The following OPCML variants were observed in gnomAD, a reference collection of about 807,000 sequenced individuals.
OPCML encodes opioid-binding protein/cell adhesion molecule.
In OPCML, 13 loss-of-function variants were observed where a neutral mutation model predicts 37.8. The observed-to-expected ratio is 0.34, with a 90% CI of 0.22 to 0.55. The LOEUF (loss-of-function observed/expected upper bound fraction) is 0.55. OPCML is among the 20% of genes least tolerant of loss of function. The probability of loss-of-function intolerance (pLI) is 0.91; values close to 1 mark genes in which losing one functional copy is unlikely to be tolerated. For synonymous variants in OPCML, 176 were observed against 168.8 expected (o/e 1.04, Z -0.33); for missense variants, 341 against 435.6 (o/e 0.78, Z 1.93).
intron 1 of OPCML, among the ~76,000 whole-genome samples, chr11:133,051,317 G>T (rs544717879): frequency 6.6e-6 from 1 of 152,228 alleles, no homozygotes; most frequent in South Asian, 2.1e-4. Flanking sequence ...TACCAACAGG[G>T]GAACTGAGAC....
intron 2 of OPCML, among the ~76,000 whole-genome samples, chr11:132,800,434 C>A (rs1938575977): frequency 6.6e-6 from 1 of 152,132 alleles, no homozygotes; most frequent in Non-Finnish European, 1.5e-5. Flanking sequence ...TTAGCTAGAA[C>A]CCATAGCACC....
At chr11:133,291,996 T>C (rs972490964) in intron 1 of OPCML, among the ~76,000 whole-genome samples, 5 of 152,234 alleles carry the variant, frequency 3.3e-5, no homozygotes, top group Non-Finnish European at 7.3e-5. Context: ...TTTTATAAAC[T>C]ATTTATTAGG....
intron 1 of OPCML, among the ~76,000 whole-genome samples, chr11:132,995,692 C>T (rs372535247): frequency 5.9e-5 from 9 of 152,282 alleles, no homozygotes; most frequent in African/African-American, 1.9e-4. Context: ...GTCCCAATGT[C>T]AGCAGGACGT....
intron 3 of OPCML, among the ~76,000 whole-genome samples, chr11:132,644,596 G>C (rs1247263558): frequency 3.3e-5 from 5 of 152,186 alleles, no homozygotes; most frequent in Admixed American, 6.5e-5. Flanking sequence ...GGATTTGGTA[G>C]CTTGTATCTC....
At chr11:132,692,228 A>AC (rs1473518995) in intron 2 of OPCML, among the ~76,000 whole-genome samples, 1 of 93,672 alleles carries the variant, frequency 1.1e-5, no homozygotes, top group Non-Finnish European at 2.4e-5. Flanking sequence ...TGGTGATGCT[A>AC]CAGGAAAAAA....
chr11:132,819,950 C>T (rs1351919200), intron 2 of OPCML, among the ~76,000 whole-genome samples: 28 of 152,140 alleles, frequency 1.8e-4, no homozygotes, highest in Admixed American at 1.8e-3. Context: ...GGTCCTGGGG[C>T]TGGAGGCTCT....
At chr11:132,913,793 G>A (rs1267629591) in intron 2 of OPCML, among the ~76,000 whole-genome samples, 1 of 152,166 alleles carries the variant, frequency 6.6e-6, no homozygotes, top group East Asian at 1.9e-4. Context: ...TCTTTTTGGA[G>A]CTAGTAAAAA....
intron 1 of OPCML, among the ~76,000 whole-genome samples, chr11:133,511,380 G>A (rs567661726): frequency 3.9e-5 from 6 of 152,294 alleles, no homozygotes; most frequent in Admixed American, 2.0e-4. Flanking sequence ...ACACAGGACC[G>A]CGTGGCTAAC....
At chr11:132,545,857 C>T (rs2096367479) in intron 3 of OPCML, among the ~76,000 whole-genome samples, 1 of 152,180 alleles carries the variant, frequency 6.6e-6, no homozygotes, top group African/African-American at 2.4e-5. Context: ...TTTCAATATT[C>T]AACATTTTGC....
At chr11:132,662,999 A>T (rs1942050217) in intron 2 of OPCML, among the ~76,000 whole-genome samples, 1 of 152,254 alleles carries the variant, frequency 6.6e-6, no homozygotes, top group African/African-American at 2.4e-5. Context: ...TGTTACGGTA[A>T]TAATACCTAA....
At chr11:133,348,859 A>T (rs1399101845) in intron 1 of OPCML, among the ~76,000 whole-genome samples, 1 of 152,208 alleles carries the variant, frequency 6.6e-6, no homozygotes, top group Non-Finnish European at 1.5e-5. Context: ...GTATGTAAAG[A>T]TCAGGAAGAC....
intron 3 of OPCML, among the ~76,000 whole-genome samples, chr11:132,647,724 G>A (rs1941227108): frequency 6.6e-6 from 1 of 152,130 alleles, no homozygotes. Context: ...GGTCTCAGGA[G>A]TGGCAGGGAT....
intron 1 of OPCML, among the ~76,000 whole-genome samples, chr11:133,202,669 C>G (rs1048394839): frequency 2.0e-5 from 3 of 152,226 alleles, no homozygotes; most frequent in Non-Finnish European, 4.4e-5. Context: ...CTAGTAGCAA[C>G]CCACTCAGTT....
At chr11:132,847,174 C>A (rs888594423) in intron 2 of OPCML, among the ~76,000 whole-genome samples, 3 of 152,184 alleles carry the variant, frequency 2.0e-5, no homozygotes, top group African/African-American at 7.2e-5. Context: ...TATCTTGCTG[C>A]ATTCTCATCC....
intron 3 of OPCML, among the ~76,000 whole-genome samples, chr11:132,630,564 G>C (rs1940039089): frequency 6.6e-6 from 1 of 152,028 alleles, no homozygotes; most frequent in Non-Finnish European, 1.5e-5. Context: ...TCTCATAGTT[G>C]AGAGCAGAGA....
intron 1 of OPCML, among the ~76,000 whole-genome samples, chr11:133,164,199 T>C (rs1177542635): frequency 6.6e-6 from 1 of 152,208 alleles, no homozygotes; most frequent in Non-Finnish European, 1.5e-5. Context: ...CTGCAGCTTC[T>C]GTGCCTCAGA....
At chr11:132,812,782 A>G (rs919095816) in intron 2 of OPCML, among the ~76,000 whole-genome samples, 3 of 152,192 alleles carry the variant, frequency 2.0e-5, no homozygotes, top group African/African-American at 7.2e-5. Flanking sequence ...CATTTTGTGT[A>G]TATCTTCCTC....
At chr11:133,524,056 G>A (rs1344551207) in intron 1 of OPCML, among the ~76,000 whole-genome samples, 2 of 152,208 alleles carry the variant, frequency 1.3e-5, no homozygotes, top group Admixed American at 6.5e-5. Flanking sequence ...ATGAGAGCAG[G>A]AACCATAACA....
At chr11:133,466,834 G>T (rs1164226529) in intron 1 of OPCML, among the ~76,000 whole-genome samples, 3 of 152,106 alleles carry the variant, frequency 2.0e-5, no homozygotes, top group African/African-American at 7.2e-5. Flanking sequence ...CAAGACAGGC[G>T]GTATCAAGGC....
Sources: gnomAD v4.1 joint callset for allele counts (sites outside exome capture counted in the v4.1 genomes callset) on GRCh38, gnomAD v4.1.1 for gene constraint, MANE v1.5 for transcripts, NCBI Gene and HGNC (gene_info 2026-07-23, HGNC 2026-07-21) for gene names.